ADAMTS2: variants seen among roughly 807,000 people sequenced by gnomAD.
ADAMTS2 encodes the protein ADAM metallopeptidase with thrombospondin type 1 motif 2, also known as A disintegrin and metalloproteinase with thrombospondin motifs 2.
ADAMTS2 carries 50 observed loss-of-function variants against 123.0 expected under a neutral mutation model. That is an observed-to-expected ratio of 0.41 (90% CI 0.32 to 0.51). The LOEUF (loss-of-function observed/expected upper bound fraction) is 0.51, where lower values mean the gene tolerates loss of function less well. Ranked by LOEUF, ADAMTS2 falls within the 20% of genes least tolerant of loss-of-function variation. ADAMTS2 has a pLI of 0.35. For missense variants in ADAMTS2, 1,494 were observed against 1,705.2 expected (o/e 0.88, Z 2.18); for synonymous variants, 678 against 695.4 (o/e 0.98, Z 0.39).
rs910686729 is a variant in ADAMTS2, at chr5:179,111,742, A to T, written c.*2125T>A. 3 of 152,252 alleles carry T rather than the reference A, an allele frequency of 2.0e-5. No homozygotes were observed. Among genetic ancestry groups the T allele is most frequent in the Middle Eastern group, 3.2e-3 (1 of 316 alleles). The allele number at this position is 152,252 out of a possible 1,614,324, so 9.4% of individuals were successfully genotyped here. On this transcript the variant is annotated 3_prime_UTR_variant, in exon 22 of 22. Transcript: ENST00000251582. ...AGCGTTAGTCCTGAACTTCCTCCAC[A>T]TCCTAGGACAGACCCAAGTAAGAAC... is the stretch of plus-strand genomic sequence containing the variant.
chr5:179,318,330 G>A (rs928997808), intron 2 of ADAMTS2, among the ~76,000 whole-genome samples: 2 of 152,252 alleles, frequency 1.3e-5, no homozygotes, highest in South Asian at 4.1e-4. Context: ...ACAGGAGGCT[G>A]AGCCCTCATT....
At chr5:179,246,921 T>TG (rs1195236256) in intron 3 of ADAMTS2, among the ~76,000 whole-genome samples, 6 of 151,998 alleles carry the variant, frequency 3.9e-5, no homozygotes, top group Non-Finnish European at 8.8e-5. Flanking sequence ...CCCTGGGAAG[T>TG]GGGGGGCATC....
At chr5:179,305,709 A>T (rs1483052087) in intron 2 of ADAMTS2, among the ~76,000 whole-genome samples, 1 of 152,184 alleles carries the variant, frequency 6.6e-6, no homozygotes, top group African/African-American at 2.4e-5. Flanking sequence ...CTTTGTAAAG[A>T]TCAGTCAACT....
intron 3 of ADAMTS2, among the ~76,000 whole-genome samples, chr5:179,254,161 G>A (rs141650190): frequency 2.0e-4 from 31 of 152,254 alleles, no homozygotes; most frequent in Middle Eastern, 3.4e-3. Flanking sequence ...ATACACACAC[G>A]CTGCTGCCTA....
At chr5:179,146,200 A>C (rs991002217) in intron 10 of ADAMTS2, among the ~76,000 whole-genome samples, 1 of 152,238 alleles carries the variant, frequency 6.6e-6, no homozygotes, top group East Asian at 1.9e-4. Flanking sequence ...CACCTTATTA[A>C]AGCTGTTAGG....
rs1488901193 is a variant in ADAMTS2 at position 179,225,181 on chromosome 5, C to T, written c.689-17466G>A. Among the ~76,000 whole-genome samples, 1 of 152,230 alleles carries T rather than the reference C, an allele frequency of 6.6e-6. No individual in the cohort carries two copies. Among genetic ancestry groups the T allele is most frequent in the Non-Finnish European group, 1.5e-5 (1 of 68,046 alleles). ...AGGCTCCTCCTCCCTCTCATGGACTCTCAATTCAGCCCCGCACAGCCAAGG... is the reference window on the plus strand; with the variant it reads ...AGGCTCCTCCTCCCTCTCATGGACTTTCAATTCAGCCCCGCACAGCCAAGG... On this transcript the variant is annotated intron_variant, in intron 3 of 21. Transcript: ENST00000251582. The surrounding 1 kb of genome is among the most constrained non-coding windows in gnomAD (Gnocchi z 4.5).
chr5:179,272,789 G>T lies in ADAMTS2; in HGVS notation c.688+122C>A. The T allele has an allele frequency of 7.7e-7, 1 of 1,300,632 alleles. No homozygotes were observed. Among genetic ancestry groups the T allele is most frequent in the East Asian group, 2.4e-5 (1 of 41,880 alleles). 80.6% of individuals were successfully genotyped at this position (1,300,632 alleles called of 1,614,324 possible). On this transcript the variant is annotated intron_variant, in intron 3 of 21. Transcript: ENST00000251582. This position sits in a 1 kb window ranked among gnomAD's most constrained non-coding sequence, Gnocchi z 5.8. The stretch of plus-strand genomic sequence containing the variant: ...GGCCCATTTCTGAGCCACTGAGACC[G>T]GGGCTCAGCCTCAGCAGCCAAGCTG...
At chr5:179,152,299 G>A (rs760098627) in intron 9 of ADAMTS2, 44 bp from the exon 10 acceptor site, 1 of 1,590,168 alleles carries the variant, frequency 6.3e-7, no homozygotes, top group Non-Finnish European at 8.6e-7. Context: ...CCCACCTCAG[G>A]GACCTCCCAG....
intron 4 of ADAMTS2, among the ~76,000 whole-genome samples, chr5:179,183,913 C>G (rs767817869): frequency 6.6e-6 from 1 of 152,172 alleles, no homozygotes; most frequent in Non-Finnish European, 1.5e-5. Context: ...AGCCTGCATC[C>G]TCTCTCTCTG....
chr5:179,245,732 C>T (rs908004890), intron 3 of ADAMTS2, among the ~76,000 whole-genome samples: 128 of 112,240 alleles, frequency 1.1e-3, no homozygotes, highest in Non-Finnish European at 3.7e-4. Context: ...CGCCACTGCA[C>T]TCCAGCCTGG....
chr5:179,249,629 C>T (rs993338818), intron 3 of ADAMTS2, among the ~76,000 whole-genome samples: 5 of 152,122 alleles, frequency 3.3e-5, no homozygotes, highest in East Asian at 1.9e-4. Flanking sequence ...CAATTGTATA[C>T]GAACAAATTA....
chr5:179,161,184 C>A (rs978545442), intron 5 of ADAMTS2, among the ~76,000 whole-genome samples: 3 of 152,190 alleles, frequency 2.0e-5, no homozygotes, highest in African/African-American at 7.2e-5. Flanking sequence ...TCTCGAGTCC[C>A]TGCCAGGTAG....
At chr5:179,205,429 C>T (rs1441918527) in intron 4 of ADAMTS2, among the ~76,000 whole-genome samples, 3 of 152,256 alleles carry the variant, frequency 2.0e-5, no homozygotes, top group Admixed American at 2.0e-4. Context: ...TCAACCCCCA[C>T]GATGAAAACA....
chr5:179,300,078 G>A (rs1037924076), intron 2 of ADAMTS2, among the ~76,000 whole-genome samples: 4 of 136,038 alleles, frequency 2.9e-5, no homozygotes, highest in Non-Finnish European at 6.1e-5. Flanking sequence ...CTGGGCGACA[G>A]AGTGAGACTC....
intron 2 of ADAMTS2, among the ~76,000 whole-genome samples, chr5:179,311,716 G>A (rs562222518): frequency 2.6e-5 from 4 of 151,916 alleles, no homozygotes; most frequent in East Asian, 1.9e-4. Context: ...TAGAATCCCC[G>A]ACCCCTGATG....
Position 179,125,464 on chromosome 5 carries a change from G to C in ADAMTS2, c.2751-284C>G, listed in dbSNP as rs375976119. 2.8e-4 allele frequency among the ~76,000 whole-genome samples: 42 copies of C among 152,300 alleles called. 1 individual carries two copies. The highest frequency in any genetic ancestry group is 1.2e-3 in the East Asian group (6 of 5,166). ...GAGCTGGTGGCTCTGGAGGTCCCTA[G>C]CCTGAAGAGGTTTCCCAGCCTCCTT... On this transcript the variant is annotated intron_variant, in intron 18 of 21. Transcript: ENST00000251582.
In ADAMTS2 at chr5:179,189,520, T is replaced by C. The variant is rs1764253897; in HGVS notation, c.892-8365A>G. ...CCGCCAGTGCGCCTGGTTTTTTTTT[T>C]TTTTTTTTTTTTTTTTTTAGTAGAG... On this transcript the variant is annotated intron_variant, in intron 4 of 21. Coordinates refer to ENST00000251582, the MANE Select transcript of ADAMTS2 (RefSeq NM_014244.5). This position sits in a 1 kb window ranked among gnomAD's most constrained non-coding sequence, Gnocchi z 4.2. Among the ~76,000 whole-genome samples the C allele has an allele frequency of 7.2e-6, 1 of 138,768 alleles. No individual in the cohort carries two copies. The highest frequency in any genetic ancestry group is 2.7e-5 in the African/African-American group (1 of 37,252). The allele number at this position is 138,768 out of a possible 152,430, so 91.0% of individuals were successfully genotyped here.
rs1766577128 is a variant in ADAMTS2, at chr5:179,272,856, G to A, written c.688+55C>T. On this transcript the variant is annotated intron_variant, in intron 3 of 21. Coordinates refer to ENST00000251582, the MANE Select transcript of ADAMTS2 (RefSeq NM_014244.5). This position sits in a 1 kb window ranked among gnomAD's most constrained non-coding sequence, Gnocchi z 5.8. ...CTGAGTCTCTGGGATGCTCCCCTGGGGACCAGGGCCTCAGAGGGCTCTCCA... is the reference window on the plus strand; with the variant it reads ...CTGAGTCTCTGGGATGCTCCCCTGGAGACCAGGGCCTCAGAGGGCTCTCCA... 3.2e-6 allele frequency: 5 copies of A among 1,583,188 alleles called. No homozygotes were observed. The Admixed American group carries it at 8.6e-5, about 27-fold the overall frequency.
intron 6 of ADAMTS2, among the ~76,000 whole-genome samples, chr5:179,157,657 C>CA (rs1763502791): frequency 6.6e-6 from 1 of 152,030 alleles, no homozygotes; most frequent in South Asian, 2.1e-4. Flanking sequence ...AGGCATCCAC[C>CA]ACCATGCCCA....
Sources: allele counts gnomAD v4.1 joint callset (sites outside exome capture counted in the v4.1 genomes callset), GRCh38; gene constraint gnomAD v4.1.1; non-coding constraint Gnocchi (gnomAD v3.1); transcripts MANE v1.5; gene names NCBI Gene and HGNC (gene_info 2026-07-23, HGNC 2026-07-21).